CSMD3: variants seen among roughly 807,000 people sequenced by gnomAD.
CSMD3 encodes CUB and Sushi multiple domains 3, also known as CUB and sushi domain-containing protein 3.
CSMD3 carries 177 observed loss-of-function variants against 435.2 expected under a neutral mutation model. The observed-to-expected ratio is 0.41, with a 90% CI of 0.36 to 0.46. CSMD3 has a LOEUF of 0.46. Among genes scored for constraint, CSMD3 ranks in the 20% least tolerant of loss-of-function variants. The probability of loss-of-function intolerance (pLI) is 0.34; values close to 1 mark genes in which losing one functional copy is unlikely to be tolerated. For synonymous variants in CSMD3, 1,656 were observed against 1,520.5 expected (o/e 1.09, Z -2.07); for missense variants, 4,265 against 4,504.6 (o/e 0.95, Z 1.52).
chr8:112,681,576 C>T (rs2075895794), intron 16 of CSMD3, among the ~76,000 whole-genome samples: 1 of 151,562 alleles, frequency 6.6e-6, no homozygotes, highest in Non-Finnish European at 1.5e-5. Flanking sequence ...TGTATATATA[C>T]AAAAATAGGC....
chr8:112,562,979 A>G (rs1828768777), intron 24 of CSMD3, among the ~76,000 whole-genome samples: 1 of 151,878 alleles, frequency 6.6e-6, no homozygotes, highest in African/African-American at 2.4e-5. Context: ...ACATAAAACT[A>G]ACATATCTTC....
intron 35 of CSMD3, among the ~76,000 whole-genome samples, chr8:112,393,408 T>C (rs977728591): frequency 2.6e-5 from 4 of 152,192 alleles, no homozygotes; most frequent in Non-Finnish European, 5.9e-5. Flanking sequence ...TTCAACCCTT[T>C]GGAATTTCCC....
At chr8:112,717,393 G>A (rs769259524) in intron 13 of CSMD3, among the ~76,000 whole-genome samples, 1 of 152,078 alleles carries the variant, frequency 6.6e-6, no homozygotes, top group Non-Finnish European at 1.5e-5. Flanking sequence ...AGTCAGAATG[G>A]CGATTATTAA....
At chr8:113,372,649 T>C (rs775503361) in intron 1 of CSMD3, among the ~76,000 whole-genome samples, 160 of 152,220 alleles carry the variant, frequency 1.1e-3, no homozygotes, top group Admixed American at 1.7e-3. Context: ...AAAGACACAT[T>C]TAGGCCGGGC....
intron 37 of CSMD3, among the ~76,000 whole-genome samples, chr8:112,382,795 G>T (rs1253249197): frequency 6.6e-6 from 1 of 152,062 alleles, no homozygotes; most frequent in Admixed American, 6.5e-5. Context: ...TTCACGACCC[G>T]CCTCGCCAAC....
chr8:113,106,363 G>A (rs1330815224), intron 4 of CSMD3, among the ~76,000 whole-genome samples: 2 of 152,014 alleles, frequency 1.3e-5, no homozygotes, highest in East Asian at 3.9e-4. Context: ...TAGAAGAGTA[G>A]ACAGTACAAA....
Position 113,398,966 on chromosome 8 carries a change from C to A in CSMD3, c.178+37711G>T, listed in dbSNP as rs1365969642. On this transcript the variant is annotated intron_variant, in intron 1 of 70. Coordinates refer to ENST00000297405, the MANE Select transcript of CSMD3 (RefSeq NM_198123.2). ...CCTGTGTTTGAACCTTAAAGATGAT[C>A]TCAAAAATTGTCTTGTGCATATTCC... Among the ~76,000 whole-genome samples the A allele has an allele frequency of 2.0e-5, 3 of 150,868 alleles. No homozygotes were observed. In the Admixed American group the frequency reaches 2.0e-4, roughly 10 times the overall value.
chr8:112,587,007 T>G, intron 23 of CSMD3, 59 bp downstream of exon 23: 4 of 1,145,226 alleles, frequency 3.5e-6, no homozygotes, highest in Non-Finnish European at 3.9e-6. Flanking sequence ...TATTTATCTA[T>G]TGATGTATAT....
chr8:112,746,057 A>G (rs1444210052), intron 13 of CSMD3, among the ~76,000 whole-genome samples: 1 of 152,206 alleles, frequency 6.6e-6, no homozygotes. Flanking sequence ...GGAAACTCAT[A>G]AAGCTTAAAA....
chr8:113,296,391 T>C (rs1352767629), intron 2 of CSMD3, among the ~76,000 whole-genome samples: 6 of 151,790 alleles, frequency 4.0e-5, no homozygotes, highest in Non-Finnish European at 7.4e-5. Context: ...AGGTGGCACA[T>C]GCCTGTAGTC....
intron 63 of CSMD3, among the ~76,000 whole-genome samples, chr8:112,251,432 G>C (rs994213199): frequency 1.3e-5 from 2 of 151,496 alleles, no homozygotes; most frequent in Non-Finnish European, 3.0e-5. Flanking sequence ...TTGGTCCTAG[G>C]CTTCCTGGTT....
At chr8:112,663,731 C>G (rs2075447382) in intron 17 of CSMD3, among the ~76,000 whole-genome samples, 1 of 151,938 alleles carries the variant, frequency 6.6e-6, no homozygotes. Flanking sequence ...AAATTTAGAA[C>G]AGTGTAGGCT....
chr8:112,292,175 T>C (rs1445426563), intron 55 of CSMD3, among the ~76,000 whole-genome samples: 2 of 151,764 alleles, frequency 1.3e-5, no homozygotes, highest in South Asian at 2.1e-4. Flanking sequence ...TTCAGAAAAA[T>C]AAAAAGAAAA....
At chr8:112,689,816 T>C (rs2076092148) in intron 14 of CSMD3, 52 bp downstream of exon 14, 2 of 1,505,698 alleles carry the variant, frequency 1.3e-6, no homozygotes, top group African/African-American at 1.4e-5. Context: ...AGCAATTATA[T>C]GCAAGGACAG....
intron 5 of CSMD3, among the ~76,000 whole-genome samples, chr8:113,030,904 C>T (rs949338340): frequency 3.3e-5 from 5 of 151,458 alleles, no homozygotes; most frequent in Non-Finnish European, 7.4e-5. Context: ...CAAATAGTTA[C>T]ATGAGTAGAT....
chr8:113,431,943 T>A (rs1012430569), intron 1 of CSMD3, among the ~76,000 whole-genome samples: 1 of 152,146 alleles, frequency 6.6e-6, no homozygotes, highest in Admixed American at 6.5e-5. Flanking sequence ...CAAATAGAAA[T>A]GCTAATTAAT....
At chr8:112,313,430 TG>T (rs1306962719) in intron 49 of CSMD3, among the ~76,000 whole-genome samples, 1 of 152,174 alleles carries the variant, frequency 6.6e-6, no homozygotes, top group Non-Finnish European at 1.5e-5. Context: ...GTTTATCCTT[TG>T]TTTTAACTTG....
chr8:112,293,635 T>G (rs1025434640), intron 54 of CSMD3, among the ~76,000 whole-genome samples: 11 of 152,126 alleles, frequency 7.2e-5, no homozygotes, highest in Non-Finnish European at 1.2e-4. Flanking sequence ...GGAAATAATA[T>G]TCTTAATTAG....
In CSMD3 at chr8:112,784,122, C is replaced by T. The variant is rs558665891; in HGVS notation, c.1972+16040G>A. 4.6e-5 allele frequency among the ~76,000 whole-genome samples: 7 copies of T among 151,864 alleles called. No individual in the cohort carries two copies. In the East Asian group the frequency reaches 1.4e-3, roughly 29 times the overall value. The stretch of plus-strand genomic sequence containing the variant: ...ATAGATATTTGCAGATAGAATAAAA[C>T]TAGAAATAGATAACAAGAGGATAAA... On this transcript the variant is annotated intron_variant, in intron 13 of 70. Transcript: ENST00000297405.
Sources: allele counts gnomAD v4.1 joint callset (sites outside exome capture counted in the v4.1 genomes callset), GRCh38; gene constraint gnomAD v4.1.1; transcripts MANE v1.5; gene names NCBI Gene and HGNC (gene_info 2026-07-23, HGNC 2026-07-21).